ODAD2: variants seen among roughly 807,000 people sequenced by gnomAD.
ODAD2 encodes the protein outer dynein arm-docking complex subunit 2.
ODAD2 carries 89 observed loss-of-function variants against 106.8 expected under a neutral mutation model. The ratio of observed to expected loss-of-function variants is 0.83; its 90% confidence interval spans 0.70 to 0.99. The LOEUF (loss-of-function observed/expected upper bound fraction) is 0.99, where lower values mean the gene tolerates loss of function less well. Among genes scored for constraint, ODAD2 ranks in the 50% least tolerant of loss-of-function variants. The pLI is 0.00. For missense variants in ODAD2, 1,168 were observed against 1,238.5 expected, an observed-to-expected ratio of 0.94 and a Z score of 0.85; for synonymous variants, 404 against 436.2, an observed-to-expected ratio of 0.93 and a Z score of 0.92.
At chr10:27,840,484 T>C (rs1838229388) in intron 19 of ODAD2, among the ~76,000 whole-genome samples, 1 of 152,176 alleles carries the variant, frequency 6.6e-6, no homozygotes, top group Non-Finnish European at 1.5e-5. Context: ...AGCCATCTTG[T>C]AAAGTATCAC....
intron 10 of ODAD2, among the ~76,000 whole-genome samples, chr10:27,947,924 G>A (rs1847053705): frequency 6.6e-6 from 1 of 152,112 alleles, no homozygotes; most frequent in Non-Finnish European, 1.5e-5. Flanking sequence ...AGCAATTTTC[G>A]AGCTTATACA....
At chr10:27,867,690 C>T (rs958333105) in intron 17 of ODAD2, among the ~76,000 whole-genome samples, 8 of 152,296 alleles carry the variant, frequency 5.3e-5, no homozygotes, top group Admixed American at 4.6e-4. Context: ...TGGCTCACGC[C>T]TGTAATCTCA....
intron 17 of ODAD2, among the ~76,000 whole-genome samples, chr10:27,884,734 A>T (rs1841959675): frequency 6.6e-6 from 1 of 152,196 alleles, no homozygotes; most frequent in Non-Finnish European, 1.5e-5. Flanking sequence ...ACAGAAGTAC[A>T]ACTGAATGCC....
At chr10:27,840,963 C>T (rs1838264254) in intron 19 of ODAD2, among the ~76,000 whole-genome samples, 1 of 152,146 alleles carries the variant, frequency 6.6e-6, no homozygotes, top group Non-Finnish European at 1.5e-5. Flanking sequence ...CACAGGGGTA[C>T]AGTGAAGATT....
At chr10:27,921,170 T>C (rs116482995) in intron 16 of ODAD2, among the ~76,000 whole-genome samples, 24 of 152,188 alleles carry the variant, frequency 1.6e-4, no homozygotes, top group African/African-American at 5.3e-4. Context: ...TACCTGTTCC[T>C]TAATTTCCTT....
intron 17 of ODAD2, among the ~76,000 whole-genome samples, chr10:27,903,420 A>G (rs918394675): frequency 2.0e-5 from 3 of 152,218 alleles, no homozygotes; most frequent in African/African-American, 4.8e-5. Flanking sequence ...CACCACTGCT[A>G]TTCAATATAG....
At chr10:27,944,574 TTC>T (rs1846736187) in intron 11 of ODAD2, 143 bp from the exon 12 acceptor site, 1 of 836,158 alleles carries the variant, frequency 1.2e-6, no homozygotes, top group East Asian at 2.7e-5. Flanking sequence ...ATCTGGCATA[TTC>T]TCTTTCATTT....
intron 17 of ODAD2, among the ~76,000 whole-genome samples, chr10:27,894,135 C>T (rs1053484589): frequency 1.3e-5 from 2 of 151,776 alleles, no homozygotes; most frequent in African/African-American, 2.4e-5. Flanking sequence ...AGTGAGACAC[C>T]ATCTCTAAAA....
At chr10:27,971,016 A>T in intron 8 of ODAD2, 92 bp downstream of exon 8, 13 of 466,408 alleles carry the variant, frequency 2.8e-5, no homozygotes, top group Non-Finnish European at 4.1e-5. Flanking sequence ...ATAAACAAAC[A>T]AACAAAATAA....
chr10:27,826,143 C>G (rs1431851216), intron 19 of ODAD2, among the ~76,000 whole-genome samples: 1 of 152,140 alleles, frequency 6.6e-6, no homozygotes, highest in African/African-American at 2.4e-5. Context: ...CTGGAGGACG[C>G]AGAATGGGAT....
intron 1 of ODAD2, chr10:27,995,680 C>A (rs2133236911): frequency 6.5e-6 from 1 of 152,942 alleles, no homozygotes; most frequent in Admixed American, 6.5e-5. Context: ...ACAATGATGA[C>A]TGAAGAACAT....
chr10:27,925,940 G>C (rs1308404824), intron 16 of ODAD2, among the ~76,000 whole-genome samples: 25 of 150,968 alleles, frequency 1.7e-4, no homozygotes, highest in Admixed American at 1.6e-3. Flanking sequence ...CGGGATGCAA[G>C]GGTTGCAGTG....
intron 16 of ODAD2, among the ~76,000 whole-genome samples, chr10:27,931,677 A>T (rs79338047): frequency 0.06 from 9,118 of 150,730 alleles, 356 homozygotes; most frequent in East Asian, 0.18. Flanking sequence ...TGCTTAAAAC[A>T]GTTATATTAA....
intron 17 of ODAD2, among the ~76,000 whole-genome samples, chr10:27,906,978 G>A (rs7077813): frequency 8.6e-5 from 13 of 151,996 alleles, no homozygotes; most frequent in South Asian, 2.1e-4. Flanking sequence ...AAACCTGCAC[G>A]TTCTGCACAT....
intron 19 of ODAD2, among the ~76,000 whole-genome samples, chr10:27,841,688 C>T (rs1163144608): frequency 6.6e-6 from 1 of 151,968 alleles, no homozygotes; most frequent in African/African-American, 2.4e-5. Flanking sequence ...GAGCCACCAC[C>T]CCGGCAGATC....
intron 2 of ODAD2, among the ~76,000 whole-genome samples, chr10:27,991,187 A>G (rs1850213757): frequency 6.6e-6 from 1 of 152,222 alleles, no homozygotes. Context: ...TAAGAACAAA[A>G]GCAATTGCAA....
chr10:27,992,604 C>A (rs1261400263), intron 2 of ODAD2, among the ~76,000 whole-genome samples: 2 of 152,056 alleles, frequency 1.3e-5, no homozygotes, highest in African/African-American at 4.8e-5. Context: ...GTGGGAGGAT[C>A]CATGGAGCCC....
chr10:27,959,183 G>A (rs1191558118), intron 10 of ODAD2, among the ~76,000 whole-genome samples: 1 of 96,406 alleles, frequency 1.0e-5, no homozygotes, highest in Non-Finnish European at 2.1e-5. Context: ...AGAGGGGAGG[G>A]GAGTGGAGAG....
At chr10:27,878,174 G>A (rs1449826745) in intron 17 of ODAD2, among the ~76,000 whole-genome samples, 1 of 152,144 alleles carries the variant, frequency 6.6e-6, no homozygotes, top group East Asian at 1.9e-4. Context: ...CATTGAGAAA[G>A]AGAATATGAA....
Sources: allele counts gnomAD v4.1 joint callset (sites outside exome capture counted in the v4.1 genomes callset), GRCh38; gene constraint gnomAD v4.1.1; transcripts MANE v1.5; gene names NCBI Gene and HGNC (gene_info 2026-07-23, HGNC 2026-07-21).